The following ERBB4 variants were observed in gnomAD, a reference collection of about 807,000 sequenced individuals.
ERBB4 encodes the protein erb-b2 receptor tyrosine kinase 4, also known as receptor tyrosine-protein kinase erbB-4.
ERBB4 carries 42 observed loss-of-function variants against 158.0 expected under a neutral mutation model. That is an observed-to-expected ratio of 0.27 (90% CI 0.21 to 0.34). The LOEUF is 0.34. ERBB4 is among the 10% of genes least tolerant of loss of function. The probability of loss-of-function intolerance (pLI) is 1.00; values close to 1 mark genes in which losing one functional copy is unlikely to be tolerated. For synonymous variants in ERBB4, 583 were observed against 558.7 expected, an observed-to-expected ratio of 1.04 and a Z score of -0.61; for missense variants, 1,333 against 1,624.1, an observed-to-expected ratio of 0.82 and a Z score of 3.08.
At chr2:211,775,621 C>T (rs1472911794) in intron 4 of ERBB4, among the ~76,000 whole-genome samples, 1 of 152,152 alleles carries the variant, frequency 6.6e-6, no homozygotes, top group Non-Finnish European at 1.5e-5. Context: ...AATATGCTTA[C>T]CATGTTATAA....
At chr2:211,738,211 T>C (rs189750740) in intron 5 of ERBB4, among the ~76,000 whole-genome samples, 4 of 152,274 alleles carry the variant, frequency 2.6e-5, no homozygotes, top group Non-Finnish European at 5.9e-5. Flanking sequence ...TTTTAATTTA[T>C]AAAGTTGTAT....
intron 1 of ERBB4, among the ~76,000 whole-genome samples, chr2:212,368,964 G>A (rs2106378832): frequency 6.6e-6 from 1 of 152,240 alleles, no homozygotes; most frequent in Non-Finnish European, 1.5e-5. Flanking sequence ...ATCTCAGGCA[G>A]GCTGTAGGCC....
chr2:211,693,894 C>T (rs1449402727), intron 12 of ERBB4, among the ~76,000 whole-genome samples: 1 of 152,070 alleles, frequency 6.6e-6, no homozygotes. Context: ...TGCCAGCAAT[C>T]CCTGGCATTC....
chr2:212,055,592 C>A (rs896686178), intron 2 of ERBB4, among the ~76,000 whole-genome samples: 1 of 152,210 alleles, frequency 6.6e-6, no homozygotes, highest in Non-Finnish European at 1.5e-5. Flanking sequence ...TCCAGGGGAA[C>A]AATCAGGCAG....
intron 1 of ERBB4, among the ~76,000 whole-genome samples, chr2:212,422,554 G>A (rs989369873): frequency 1.3e-5 from 2 of 151,846 alleles, no homozygotes; most frequent in African/African-American, 2.4e-5. Flanking sequence ...CTGGTGCTTC[G>A]CAAAGTCATC....
At chr2:211,779,738 C>A (rs1389906342) in intron 4 of ERBB4, 1 of 152,188 alleles carries the variant, frequency 6.6e-6, no homozygotes, top group African/African-American at 2.4e-5. Flanking sequence ...CCTTACCGCA[C>A]ATTCGAAGAG....
intron 1 of ERBB4, among the ~76,000 whole-genome samples, chr2:212,273,248 T>C (rs1464437760): frequency 6.6e-6 from 1 of 151,838 alleles, no homozygotes; most frequent in Non-Finnish European, 1.5e-5. Context: ...TCATGTGAAG[T>C]ATTCAAACTG....
intron 1 of ERBB4, among the ~76,000 whole-genome samples, chr2:212,231,808 T>TA (rs977154301): frequency 2.6e-5 from 4 of 152,176 alleles, no homozygotes; most frequent in East Asian, 1.9e-4. Flanking sequence ...TCAACTAGGA[T>TA]AAAAAAATGC....
In ERBB4 at chr2:212,076,327, C is replaced by A. The variant is rs1030728625; in HGVS notation, c.234+48425G>T. Among the ~76,000 whole-genome samples the A allele has an allele frequency of 9.9e-5, 15 of 151,848 alleles. No homozygotes were observed. The South Asian group carries it at 1.0e-3, about 11-fold the overall frequency. On this transcript the variant is annotated intron_variant, in intron 2 of 27. Transcript: ENST00000342788. ...CCATGTAAAGAGTAAAGTGTTAGAT[C>A]ATGAGAGAGATAAATATTGAATAAG...
chr2:212,297,759 T>C (rs892082770), intron 1 of ERBB4, among the ~76,000 whole-genome samples: 3 of 151,748 alleles, frequency 2.0e-5, no homozygotes, highest in Non-Finnish European at 4.4e-5. Context: ...ATATAATGCA[T>C]ACTCAAATCT....
rs1180830303 is a variant in ERBB4 at position 211,584,653 on chromosome 2, C to G, written c.2302-22565G>C. Among the ~76,000 whole-genome samples, 4 of 151,942 alleles carry G rather than the reference C, an allele frequency of 2.6e-5. No homozygotes were observed. The South Asian group carries it at 6.2e-4, about 24-fold the overall frequency. Reference sequence around the variant, plus strand: ...GGCACATAAAGATTAAAATTACATACTATATATGAATAAGAAACACAAATG... The same window carrying G: ...GGCACATAAAGATTAAAATTACATAGTATATATGAATAAGAAACACAAATG... On this transcript the variant is annotated intron_variant, in intron 19 of 27. Coordinates refer to ENST00000342788, the MANE Select transcript of ERBB4 (RefSeq NM_005235.3).
In ERBB4 at chr2:211,913,657, GTATGTGTGTA is replaced by G. The variant is rs1559087851; in HGVS notation, c.421+33763_421+33772del. 6.7e-5 allele frequency among the ~76,000 whole-genome samples: 9 copies of G among 133,526 alleles called. No individual in the cohort carries two copies. In the South Asian group the frequency reaches 2.2e-3, roughly 32 times the overall value. 87.6% of individuals were successfully genotyped at this position (133,526 alleles called of 152,430 possible). On this transcript the variant is annotated intron_variant, in intron 3 of 27. Coordinates refer to ENST00000342788, the MANE Select transcript of ERBB4 (RefSeq NM_005235.3). ...TGTGTGTGTGTGTGTGTGTGTGTGT[GTATGTGTGTA>G]TGTGTGTGTGTATGTGTATATATAC...
intron 20 of ERBB4, among the ~76,000 whole-genome samples, chr2:211,434,874 G>A (rs2063817132): frequency 6.6e-6 from 1 of 152,150 alleles, no homozygotes; most frequent in African/African-American, 2.4e-5. Flanking sequence ...TTGTAACTAT[G>A]AAACATCATT....
chr2:212,156,032 C>T (rs2081025687), intron 1 of ERBB4, among the ~76,000 whole-genome samples: 2 of 152,046 alleles, frequency 1.3e-5, no homozygotes, highest in Admixed American at 6.6e-5. Context: ...GGCCCACAGG[C>T]TTCACCAGAC....
At chr2:212,464,610 C>T (rs1560399884) in intron 1 of ERBB4, among the ~76,000 whole-genome samples, 1 of 151,956 alleles carries the variant, frequency 6.6e-6, no homozygotes, top group Non-Finnish European at 1.5e-5. Context: ...ATAAGAGTAC[C>T]AATGTCTGTC....
intron 20 of ERBB4, among the ~76,000 whole-genome samples, chr2:211,455,583 C>A (rs549010646): frequency 9.6e-4 from 146 of 152,252 alleles, no homozygotes; most frequent in African/African-American, 3.3e-3. Context: ...TTTGGGAGTG[C>A]AAATTAAAAT....
chr2:211,705,512 C>T (rs2073406305), intron 9 of ERBB4, 121 bp from the exon 10 acceptor site: 1 of 725,094 alleles, frequency 1.4e-6, no homozygotes, highest in South Asian at 1.5e-5. Flanking sequence ...GTTATCAATG[C>T]ATGTTTAAAT....
intron 2 of ERBB4, among the ~76,000 whole-genome samples, chr2:211,994,424 T>C (rs1373428915): frequency 3.3e-5 from 5 of 152,214 alleles, no homozygotes; most frequent in Non-Finnish European, 7.3e-5. Context: ...TGAACCACCA[T>C]GCCTGGCTCA....
At chr2:211,671,624 T>C (rs1023587555) in intron 14 of ERBB4, among the ~76,000 whole-genome samples, 1 of 152,208 alleles carries the variant, frequency 6.6e-6, no homozygotes, top group African/African-American at 2.4e-5. Context: ...GGGCCTATGA[T>C]GATTCCCAGC....
Sources: gnomAD v4.1 joint callset for allele counts (sites outside exome capture counted in the v4.1 genomes callset) on GRCh38, gnomAD v4.1.1 for gene constraint, MANE v1.5 for transcripts, NCBI Gene and HGNC (gene_info 2026-07-23, HGNC 2026-07-21) for gene names.